The following CMIP variants were observed in gnomAD, a reference collection of about 807,000 sequenced individuals.
CMIP encodes C-Maf-inducing protein.
In CMIP, 13 loss-of-function variants were observed where a neutral mutation model predicts 97.3. The observed-to-expected ratio is 0.13, with a 90% CI of 0.09 to 0.21. The LOEUF is 0.21. CMIP is among the 10% of genes least tolerant of loss of function. The pLI, the probability that CMIP is intolerant of heterozygous loss-of-function variation, is 1.00. For synonymous variants in CMIP, 538 were observed against 436.3 expected (o/e 1.23, Z -2.91); for missense variants, 847 against 1,024.9 (o/e 0.83, Z 2.37).
intron 4 of CMIP, among the ~76,000 whole-genome samples, chr16:81,653,993 T>G (rs1014049707): frequency 2.0e-5 from 3 of 152,188 alleles, no homozygotes; most frequent in Non-Finnish European, 2.9e-5. Flanking sequence ...CCAACTCACG[T>G]GGCAAGTTTG....
intron 3 of CMIP, among the ~76,000 whole-genome samples, chr16:81,647,876 G>C (rs2092381261): frequency 6.6e-6 from 1 of 151,474 alleles, no homozygotes; most frequent in Admixed American, 6.6e-5. Context: ...ACAGGGGCCT[G>C]CCTGCAGCCC....
At chr16:81,566,327 C>T (rs147787796) in intron 1 of CMIP, among the ~76,000 whole-genome samples, 217 of 152,342 alleles carry the variant, frequency 1.4e-3, no homozygotes, top group African/African-American at 4.3e-3. Flanking sequence ...GGGGACACAT[C>T]GGGTTCCTTG....
At chr16:81,624,176 A>C (rs1456077457) in intron 3 of CMIP, among the ~76,000 whole-genome samples, 3 of 151,674 alleles carry the variant, frequency 2.0e-5, no homozygotes, top group African/African-American at 7.3e-5. Flanking sequence ...GACCTTTAGA[A>C]ATTCCACCAC....
intron 3 of CMIP, among the ~76,000 whole-genome samples, chr16:81,641,103 C>A (rs1309352818): frequency 6.6e-6 from 1 of 152,082 alleles, no homozygotes; most frequent in Non-Finnish European, 1.5e-5. Context: ...AATGCAGATT[C>A]CCAGGCCTCG....
chr16:81,709,150 A>G (rs1908478478), intron 20 of CMIP, among the ~76,000 whole-genome samples: 2 of 152,238 alleles, frequency 1.3e-5, no homozygotes, highest in Admixed American at 1.3e-4. Flanking sequence ...TAATGCATCC[A>G]GCCTAGGGGG....
At chr16:81,667,788 G>A (rs2092621388) in intron 7 of CMIP, among the ~76,000 whole-genome samples, 1 of 114,104 alleles carries the variant, frequency 8.8e-6, no homozygotes, top group Non-Finnish European at 1.8e-5. Context: ...GAGAGAGAGA[G>A]AGAGAGAGAG....
intron 1 of CMIP, among the ~76,000 whole-genome samples, chr16:81,522,584 G>T (rs1465938271): frequency 1.3e-5 from 2 of 152,248 alleles, no homozygotes; most frequent in African/African-American, 4.8e-5. Context: ...AGTAGGACAT[G>T]TGGCTTCACC....
chr16:81,543,528 A>AG (rs1421888788), intron 1 of CMIP, among the ~76,000 whole-genome samples: 10 of 152,198 alleles, frequency 6.6e-5, no homozygotes, highest in Non-Finnish European at 1.3e-4. Flanking sequence ...GCTGAAAGGA[A>AG]GGGGGGTCAG....
chr16:81,466,671 C>T (rs186313327), intron 1 of CMIP, among the ~76,000 whole-genome samples: 4 of 152,150 alleles, frequency 2.6e-5, no homozygotes, highest in African/African-American at 9.7e-5. Flanking sequence ...ATTACAAAAC[C>T]AATGCCATCC....
rs1034508037 is a variant in CMIP, at chr16:81,707,016, A to G, written c.2200A>G (p.Met734Val). ...AACTGTATCTGTCTCTTGTGCAGCC[A>G]TGAAGAGTCTCTGCAGTTTAAACAT... is the stretch of plus-strand genomic sequence containing the variant. ...TDAGLLALSS[M>V]KSLCSLNMNS... is the part of the protein sequence containing the mutation. Residue 734 changes from methionine to valine, a missense_variant and splice_region_variant, in exon 20 of 21, where the codon ATG becomes GTG. Transcript: ENST00000537098. 1 of 1,613,698 alleles carries G rather than the reference A, an allele frequency of 6.2e-7. No individual in the cohort carries two copies. Among genetic ancestry groups the G allele is most frequent in the Non-Finnish European group, 8.5e-7 (1 of 1,179,706 alleles).
chr16:81,583,083 C>T (rs1009903900), intron 1 of CMIP, among the ~76,000 whole-genome samples: 2 of 152,206 alleles, frequency 1.3e-5, no homozygotes, highest in African/African-American at 2.4e-5. Flanking sequence ...CTCTAAAGGG[C>T]CTTGGCACTC....
chr16:81,558,381 G>A (rs1234889722), intron 1 of CMIP, among the ~76,000 whole-genome samples: 1 of 152,172 alleles, frequency 6.6e-6, no homozygotes, highest in Non-Finnish European at 1.5e-5. Flanking sequence ...CATTCTTTTG[G>A]GTCTGTACCT....
intron 4 of CMIP, among the ~76,000 whole-genome samples, chr16:81,654,823 T>A (rs536956714): frequency 6.6e-6 from 1 of 152,132 alleles, no homozygotes; most frequent in Non-Finnish European, 1.5e-5. Context: ...CCCCTGCACA[T>A]AGATGTGAGA....
intron 1 of CMIP, among the ~76,000 whole-genome samples, chr16:81,545,927 C>T (rs1053983808): frequency 6.6e-6 from 1 of 152,168 alleles, no homozygotes; most frequent in Non-Finnish European, 1.5e-5. Context: ...GTGTCACCCC[C>T]TCACTGCAGG....
intron 3 of CMIP, among the ~76,000 whole-genome samples, chr16:81,622,769 C>G (rs755333070): frequency 6.6e-6 from 1 of 152,230 alleles, no homozygotes; most frequent in African/African-American, 2.4e-5. Context: ...GTGACTTACA[C>G]GTGCACCTGG....
intron 4 of CMIP, among the ~76,000 whole-genome samples, chr16:81,656,003 A>G (rs552551951): frequency 1.3e-5 from 2 of 152,308 alleles, no homozygotes; most frequent in East Asian, 3.9e-4. Context: ...AAAATGACTG[A>G]TAGTTAATAA....
At chr16:81,464,529 C>T (rs1340119057) in intron 1 of CMIP, 4 of 150,484 alleles carry the variant, frequency 2.7e-5, no homozygotes, top group South Asian at 2.1e-4. Flanking sequence ...TTCATTCATT[C>T]GTTTTGGCAG....
chr16:81,708,153 G>T (rs974260063), intron 20 of CMIP, among the ~76,000 whole-genome samples: 4 of 152,260 alleles, frequency 2.6e-5, no homozygotes, highest in Admixed American at 2.6e-4. Flanking sequence ...AGAGGGCCTG[G>T]TGGGGCCAGG....
intron 3 of CMIP, among the ~76,000 whole-genome samples, chr16:81,648,870 C>G (rs917758123): frequency 2.1e-5 from 3 of 144,016 alleles, no homozygotes; most frequent in Non-Finnish European, 3.0e-5. Flanking sequence ...CTCCCTCACT[C>G]TTTAGGAACG....
Sources: gnomAD v4.1 joint callset for allele counts (sites outside exome capture counted in the v4.1 genomes callset) on GRCh38, gnomAD v4.1.1 for gene constraint, MANE v1.5 for transcripts, NCBI Gene and HGNC (gene_info 2026-07-23, HGNC 2026-07-21) for gene names.